The following C10orf67 variants were observed in gnomAD, a reference collection of about 807,000 sequenced individuals.
C10orf67 encodes uncharacterized protein C10orf67, mitochondrial.
Under a neutral mutation model 35.6 loss-of-function variants are expected in C10orf67, and 60 were observed. The observed-to-expected ratio is 1.68, with a 90% CI of 1.37 to 2.09. The LOEUF is 2.09. C10orf67 is among the 30% of genes most tolerant of loss of function. The probability of loss-of-function intolerance (pLI) is 0.00; values close to 1 mark genes in which losing one functional copy is unlikely to be tolerated. For synonymous variants in C10orf67, 167 were observed against 115.8 expected, an observed-to-expected ratio of 1.44 and a Z score of -2.84; for missense variants, 474 against 330.2, an observed-to-expected ratio of 1.44 and a Z score of -3.38.
intron 15 of C10orf67, among the ~76,000 whole-genome samples, chr10:23,208,102 G>A (rs1057464232): frequency 7.9e-5 from 12 of 152,196 alleles, no homozygotes; most frequent in South Asian, 4.1e-4. Flanking sequence ...TCATTCGAAC[G>A]TTTGGTCTAT....
intron 1 of C10orf67, among the ~76,000 whole-genome samples, chr10:23,338,401 C>CA (rs1408498556): frequency 2.0e-5 from 3 of 152,162 alleles, no homozygotes; most frequent in Non-Finnish European, 4.4e-5. Context: ...GCATGAACCA[C>CA]AGGGAATAGC....
intron 1 of C10orf67, among the ~76,000 whole-genome samples, chr10:23,342,218 C>CCCCA (rs1554819311): frequency 2.7e-5 from 4 of 149,692 alleles, no homozygotes; most frequent in Admixed American, 2.0e-4. Context: ...TCCCCACTTG[C>CCCCA]CACACACACA....
intron 8 of C10orf67, among the ~76,000 whole-genome samples, chr10:23,267,874 C>T: frequency 6.6e-6 from 1 of 151,016 alleles, no homozygotes; most frequent in Non-Finnish European, 1.5e-5. Flanking sequence ...GCACTCCAGC[C>T]TGGGCAACAA....
intron 10 of C10orf67, among the ~76,000 whole-genome samples, chr10:23,254,542 C>T (rs1178000571): frequency 4.6e-5 from 7 of 152,146 alleles, no homozygotes; most frequent in Non-Finnish European, 1.0e-4. Flanking sequence ...AAATATTTCT[C>T]ATTCTCTTTT....
chr10:23,234,111 G>A (rs1841979648), intron 13 of C10orf67, among the ~76,000 whole-genome samples: 1 of 152,148 alleles, frequency 6.6e-6, no homozygotes, highest in African/African-American at 2.4e-5. Flanking sequence ...GAAAAATAGT[G>A]TGGCGATTCC....
intron 4 of C10orf67, among the ~76,000 whole-genome samples, chr10:23,319,509 T>A (rs1386773285): frequency 3.3e-5 from 5 of 152,162 alleles, no homozygotes; most frequent in Non-Finnish European, 7.3e-5. Flanking sequence ...TTATCTTTCT[T>A]TGGATATATA....
At chr10:23,318,907 G>C in intron 4 of C10orf67, 1 of 777,600 alleles carries the variant, frequency 1.3e-6, no homozygotes, top group Non-Finnish European at 2.4e-6. Flanking sequence ...TCAATGTTTG[G>C]TTTCACAGTG....
intron 2 of C10orf67, among the ~76,000 whole-genome samples, chr10:23,325,270 T>C (rs1201952080): frequency 2.0e-5 from 3 of 151,944 alleles, no homozygotes; most frequent in Non-Finnish European, 4.4e-5. Flanking sequence ...CCTAGGAGTT[T>C]GGGGCTGCAG....
intron 1 of C10orf67, among the ~76,000 whole-genome samples, chr10:23,338,712 T>C (rs2132412273): frequency 6.6e-6 from 1 of 152,182 alleles, no homozygotes; most frequent in African/African-American, 2.4e-5. Context: ...AATAGCTTAC[T>C]GAAGATTCAT....
chr10:23,242,265 G>A (rs1043172756), intron 12 of C10orf67, among the ~76,000 whole-genome samples: 7 of 152,020 alleles, frequency 4.6e-5, no homozygotes, highest in African/African-American at 1.7e-4. Context: ...CACCATGCCC[G>A]GCCTACTGAC....
At chr10:23,318,295 T>G (rs1224230520) in intron 4 of C10orf67, 2 of 152,222 alleles carry the variant, frequency 1.3e-5, no homozygotes, top group Non-Finnish European at 2.9e-5. Context: ...TCTCCACTCA[T>G]ATTTTTGACT....
At chr10:23,255,849 C>T (rs1431682899) in intron 10 of C10orf67, among the ~76,000 whole-genome samples, 1 of 152,152 alleles carries the variant, frequency 6.6e-6, no homozygotes, top group Non-Finnish European at 1.5e-5. Context: ...TTATCCACAT[C>T]CTGTTGACAT....
chr10:23,207,166 T>G (rs1186559767), intron 15 of C10orf67, among the ~76,000 whole-genome samples: 15 of 138,408 alleles, frequency 1.1e-4, no homozygotes, highest in Admixed American at 9.4e-4. Flanking sequence ...TTTTTTTTTT[T>G]GTCTTAATGA....
chr10:23,215,401 C>T (rs1841404290), intron 15 of C10orf67, among the ~76,000 whole-genome samples: 1 of 151,782 alleles, frequency 6.6e-6, no homozygotes, highest in Non-Finnish European at 1.5e-5. Flanking sequence ...TCAAGAGATT[C>T]TCCTGCCTCA....
chr10:23,305,184 TTCCAGTAACTGAC>T (rs1409687199), intron 4 of C10orf67, among the ~76,000 whole-genome samples: 1 of 152,154 alleles, frequency 6.6e-6, no homozygotes, highest in African/African-American at 2.4e-5. Flanking sequence ...ATGAATACAG[TTCCAGTAACTGAC>T]TCCAAAAAAA....
chr10:23,311,264 C>A (rs1172498342), intron 4 of C10orf67, among the ~76,000 whole-genome samples: 1 of 152,100 alleles, frequency 6.6e-6, no homozygotes, highest in Non-Finnish European at 1.5e-5. Flanking sequence ...AGTTTAAATC[C>A]CAGCCTAATC....
At chr10:23,297,355 G>A (rs781511816) in intron 5 of C10orf67, among the ~76,000 whole-genome samples, 2 of 152,026 alleles carry the variant, frequency 1.3e-5, no homozygotes, top group African/African-American at 2.4e-5. Context: ...CCTGATGTTT[G>A]ATAGGTGTTC....
chr10:23,219,737 C>A (rs530633025), intron 15 of C10orf67, among the ~76,000 whole-genome samples: 138 of 152,278 alleles, frequency 9.1e-4, no homozygotes, highest in Non-Finnish European at 1.8e-3. Flanking sequence ...CTAGGAAGGA[C>A]ATATCACCTG....
intron 15 of C10orf67, among the ~76,000 whole-genome samples, chr10:23,212,762 T>C (rs1314146150): frequency 2.0e-5 from 2 of 98,724 alleles, no homozygotes; most frequent in African/African-American, 7.9e-5. Context: ...AGAACTATAT[T>C]CAGGAAATAT....
Sources: allele counts gnomAD v4.1 joint callset (sites outside exome capture counted in the v4.1 genomes callset), GRCh38; gene constraint gnomAD v4.1.1; transcripts MANE v1.5; gene names NCBI Gene and HGNC (gene_info 2026-07-23, HGNC 2026-07-21).